Variants in OSBPL5 observed in about 807,000 individuals in gnomAD.
The protein encoded by OSBPL5 is oxysterol binding protein like 5.
In OSBPL5, 71 loss-of-function variants were observed where a neutral mutation model predicts 111.2. The ratio of observed to expected loss-of-function variants is 0.64; its 90% CI spans 0.53 to 0.78. The LOEUF (loss-of-function observed/expected upper bound fraction) is 0.78, where lower values mean the gene tolerates loss of function less well. OSBPL5 is among the 30% of genes least tolerant of loss of function. OSBPL5 has a pLI of 0.00. For synonymous variants in OSBPL5, 549 were observed against 513.9 expected, an observed-to-expected ratio of 1.07 and a Z score of -0.93; for missense variants, 1,210 against 1,189.3, an observed-to-expected ratio of 1.02 and a Z score of -0.26.
chr11:3,127,558 C>A (rs769091637), intron 2 of OSBPL5, among the ~76,000 whole-genome samples: 11 of 152,322 alleles, frequency 7.2e-5, no homozygotes, highest in South Asian at 2.1e-4. Flanking sequence ...GCTGCTCCCC[C>A]ACCTGGGAGC....
intron 7 of OSBPL5, among the ~76,000 whole-genome samples, chr11:3,112,852 T>C (rs1323735347): frequency 6.6e-6 from 1 of 152,222 alleles, no homozygotes; most frequent in African/African-American, 2.4e-5. Flanking sequence ...GCTATTTGAT[T>C]TTCACCTGAG....
chr11:3,124,682 A>G (rs1858540373), intron 3 of OSBPL5, among the ~76,000 whole-genome samples: 1 of 152,090 alleles, frequency 6.6e-6, no homozygotes, highest in Non-Finnish European at 1.5e-5. Flanking sequence ...TTTGCAATAC[A>G]ACCACGCAGC....
At chr11:3,136,186 GC>G (rs2134498963) in intron 1 of OSBPL5, among the ~76,000 whole-genome samples, 1 of 152,328 alleles carries the variant, frequency 6.6e-6, no homozygotes, top group African/African-American at 2.4e-5. Flanking sequence ...GCAGCATGGG[GC>G]CCAGGCCCAA....
intron 3 of OSBPL5, among the ~76,000 whole-genome samples, chr11:3,125,471 T>C (rs1227590137): frequency 6.6e-6 from 1 of 152,206 alleles, no homozygotes; most frequent in Non-Finnish European, 1.5e-5. Context: ...AGATGCAAAC[T>C]GAAGCCGCAG....
At chr11:3,131,603 CCACCCATT>C (rs763589983) in intron 1 of OSBPL5, among the ~76,000 whole-genome samples, 1 of 107,050 alleles carries the variant, frequency 9.3e-6, no homozygotes, top group Non-Finnish European at 2.2e-5. Context: ...ATCCATCCAT[CCACCCATT>C]CATCCATCTG....
At chr11:3,132,938 C>T (rs951832755) in intron 1 of OSBPL5, among the ~76,000 whole-genome samples, 7 of 152,162 alleles carry the variant, frequency 4.6e-5, no homozygotes, top group African/African-American at 9.7e-5. Flanking sequence ...TCGTGTCGCA[C>T]GGCTCCAGGG....
At chr11:3,089,026 T>A (rs961895295) in intron 21 of OSBPL5, among the ~76,000 whole-genome samples, 1 of 152,356 alleles carries the variant, frequency 6.6e-6, no homozygotes, top group Admixed American at 6.5e-5. Flanking sequence ...TCCAGTTTGC[T>A]GCAGAAGCTT....
chr11:3,093,947 G>A (rs1857157196), intron 15 of OSBPL5, 112 bp from the exon 16 acceptor site: 2 of 1,348,840 alleles, frequency 1.5e-6, no homozygotes, highest in South Asian at 1.3e-5. Flanking sequence ...GGGAGCCCAG[G>A]AGGGATGGAC....
intron 1 of OSBPL5, among the ~76,000 whole-genome samples, chr11:3,164,863 G>A (rs1475439991): frequency 6.6e-6 from 1 of 152,126 alleles, no homozygotes; most frequent in Non-Finnish European, 1.5e-5. Flanking sequence ...CACCTTCCCT[G>A]GCGGTCCCGG....
intron 7 of OSBPL5, among the ~76,000 whole-genome samples, chr11:3,108,205 C>T (rs1857780884): frequency 6.6e-6 from 1 of 152,188 alleles, no homozygotes; most frequent in African/African-American, 2.4e-5. Context: ...GGCCTGGGGA[C>T]AGGTGTGCCA....
At chr11:3,098,347 A>G (rs1857342604) in intron 14 of OSBPL5, among the ~76,000 whole-genome samples, 1 of 151,730 alleles carries the variant, frequency 6.6e-6, no homozygotes, top group African/African-American at 2.4e-5. Flanking sequence ...ATCAGGAGTG[A>G]GGCACTTAAA....
chr11:3,160,310 C>A (rs1285888098), intron 1 of OSBPL5, among the ~76,000 whole-genome samples: 1 of 152,234 alleles, frequency 6.6e-6, no homozygotes, highest in African/African-American at 2.4e-5. Context: ...GCAGCACAGT[C>A]CAGCAAGCAG....
At chr11:3,093,406 C>A in intron 17 of OSBPL5, 121 bp downstream of exon 17, 1 of 1,437,050 alleles carries the variant, frequency 7.0e-7, no homozygotes. Flanking sequence ...GTGCACCAGG[C>A]CTGCCCTCCC....
chr11:3,103,703 C>CA (rs1564829441), intron 10 of OSBPL5, among the ~76,000 whole-genome samples: 1 of 117,928 alleles, frequency 8.5e-6, no homozygotes, highest in Non-Finnish European at 1.7e-5. Flanking sequence ...TTCCAGCCTG[C>CA]GTACCCCCTT....
chr11:3,150,598 G>A (rs755897296), intron 1 of OSBPL5, among the ~76,000 whole-genome samples: 6 of 152,208 alleles, frequency 3.9e-5, no homozygotes, highest in Non-Finnish European at 7.3e-5. Context: ...GGCCTGTGGT[G>A]TCGTGAGAGC....
chr11:3,131,063 A>G (rs931900439), intron 1 of OSBPL5, among the ~76,000 whole-genome samples: 1 of 152,046 alleles, frequency 6.6e-6, no homozygotes, highest in Non-Finnish European at 1.5e-5. Context: ...CCTCACTTGG[A>G]ACCTCCTGGG....
intron 20 of OSBPL5, 122 bp from the exon 21 acceptor site, chr11:3,090,070 T>C (rs972800051): frequency 1.5e-6 from 1 of 675,486 alleles, no homozygotes; most frequent in Non-Finnish European, 2.4e-6. Flanking sequence ...CCCCACCTCA[T>C]GGGAAACCTG....
rs941995718 is a variant in OSBPL5 at position 3,154,180 on chromosome 11, C to A, written c.-22+11036G>T. ...GTGTTTGCTAGACTGGGCCAGAGGGCAAAGGTGAAGGGGCGGCTGACACAC... is the reference window on the plus strand; with the variant it reads ...GTGTTTGCTAGACTGGGCCAGAGGGAAAAGGTGAAGGGGCGGCTGACACAC... On this transcript the variant is annotated intron_variant, in intron 1 of 21. Coordinates refer to ENST00000263650, the MANE Select transcript of OSBPL5 (RefSeq NM_020896.4). The surrounding 1 kb of genome is among the most constrained non-coding windows in gnomAD (Gnocchi z 4.9). 6.6e-6 allele frequency among the ~76,000 whole-genome samples: 1 copy of A among 152,224 alleles called. No homozygotes were observed. Among genetic ancestry groups the A allele is most frequent in the African/African-American group, 2.4e-5 (1 of 41,468 alleles).
At chr11:3,108,056 C>A (rs938421525) in intron 7 of OSBPL5, 111 bp from the exon 8 acceptor site, 14 of 1,410,868 alleles carry the variant, frequency 9.9e-6, no homozygotes, top group African/African-American at 2.8e-5. Flanking sequence ...GGACCCACCC[C>A]CTCCATCCCA....
Sources: gnomAD v4.1 joint callset for allele counts (sites outside exome capture counted in the v4.1 genomes callset) on GRCh38, gnomAD v4.1.1 for gene constraint, Gnocchi (gnomAD v3.1) non-coding constraint, MANE v1.5 for transcripts, NCBI Gene and HGNC (gene_info 2026-07-23, HGNC 2026-07-21) for gene names.